SYTL4: variants seen among roughly 807,000 people sequenced by gnomAD.
SYTL4 encodes the protein synaptotagmin-like protein 4.
Under a neutral mutation model 52.7 loss-of-function variants are expected in SYTL4, and 16 were observed. That is an observed-to-expected ratio of 0.30 (90% CI 0.21 to 0.46). SYTL4 has a LOEUF of 0.46. Ranked by LOEUF, SYTL4 falls within the 20% of genes least tolerant of loss-of-function variation. The pLI is 1.00. For synonymous variants in SYTL4, 160 were observed against 186.6 expected (o/e 0.86, Z 1.16); for missense variants, 423 against 519.9 (o/e 0.81, Z 1.81).
chrX:100,731,805 T>A (rs2084653610), intron 1 of SYTL4, among the ~76,000 whole-genome samples, 199 bp downstream of exon 1: 1 of 110,517 alleles, frequency 9.0e-6, no homozygotes, highest in African/African-American at 3.3e-5. Context: ...AGCCTGGGGA[T>A]GCGGTCGGGA....
intron 2 of SYTL4, among the ~76,000 whole-genome samples, chrX:100,725,917 A>G (rs1273332821): frequency 9.0e-6 from 1 of 111,614 alleles, no homozygotes; most frequent in Non-Finnish European, 1.9e-5. Context: ...CTGAATCGAT[A>G]GAGCTACAAA....
intron 8 of SYTL4, among the ~76,000 whole-genome samples, chrX:100,695,700 G>A (rs143443268): frequency 9.0e-6 from 1 of 111,719 alleles, no homozygotes; most frequent in Admixed American, 9.5e-5. Context: ...TTTCTTTTAC[G>A]CTTTGAGTAA....
intron 16 of SYTL4, among the ~76,000 whole-genome samples, chrX:100,683,134 T>C (rs936497168): frequency 9.0e-4 from 1 of 1,109 alleles, no homozygotes; most frequent in Non-Finnish European, 2.6e-3. Context: ...CCTGCCTGTA[T>C]TTTTTTTTTT....
intron 2 of SYTL4, among the ~76,000 whole-genome samples, chrX:100,709,350 A>T (rs2084020428): frequency 9.0e-6 from 1 of 110,812 alleles, no homozygotes; most frequent in Admixed American, 9.6e-5. Flanking sequence ...AAAAAAAAAA[A>T]AAATTAGCCA....
At chrX:100,683,903 C>T (rs2083428430) in intron 16 of SYTL4, among the ~76,000 whole-genome samples, 1 of 111,594 alleles carries the variant, frequency 9.0e-6, no homozygotes, top group Admixed American at 9.5e-5. Context: ...AATGTGGTTT[C>T]TTCTCTTTAT....
intron 4 of SYTL4, among the ~76,000 whole-genome samples, chrX:100,702,841 G>T (rs953548123): frequency 1.8e-5 from 2 of 111,162 alleles, no homozygotes; most frequent in Non-Finnish European, 3.8e-5. Context: ...GCTATCAGAG[G>T]GATTATAAGG....
At chrX:100,685,919 T>G (rs1185578511) in intron 16 of SYTL4, 71 bp downstream of exon 16, 11 of 1,041,639 alleles carry the variant, frequency 1.1e-5, no homozygotes, top group Non-Finnish European at 1.3e-5. Flanking sequence ...GCTACCAACA[T>G]AGACCAGCAG....
At chrX:100,690,832 A>G (rs2083582482) in intron 9 of SYTL4, among the ~76,000 whole-genome samples, 194 bp from the exon 10 acceptor site, 1 of 111,581 alleles carries the variant, frequency 9.0e-6, no homozygotes, top group Non-Finnish European at 1.9e-5. Context: ...AAACACAAAC[A>G]CTCACACCCT....
At chrX:100,724,451 T>C (rs935382824) in intron 2 of SYTL4, among the ~76,000 whole-genome samples, 5 of 104,973 alleles carry the variant, frequency 4.8e-5, no homozygotes, top group African/African-American at 6.8e-5. Context: ...GGGGAAAAGA[T>C]TGAGAAATCG....
At chrX:100,680,815 C>T (rs2083359136) in intron 17 of SYTL4, among the ~76,000 whole-genome samples, 3 of 110,887 alleles carry the variant, frequency 2.7e-5, no homozygotes, top group African/African-American at 9.8e-5. Flanking sequence ...CAAGGGAAAG[C>T]AAATATGTTT....
intron 17 of SYTL4, among the ~76,000 whole-genome samples, 157 bp from the exon 18 acceptor site, chrX:100,679,569 T>G (rs1010795709): frequency 2.7e-5 from 3 of 112,392 alleles, no homozygotes; most frequent in Non-Finnish European, 3.8e-5. Context: ...GCACAGTGCC[T>G]GCCAGTAAGC....
intron 8 of SYTL4, among the ~76,000 whole-genome samples, chrX:100,693,357 G>A (rs758188178): frequency 3.8e-4 from 43 of 112,675 alleles, no homozygotes; most frequent in Non-Finnish European, 3.8e-4. Context: ...ACTGCTCTTC[G>A]CTCTGTCTCA....
chrX:100,710,399 T>C (rs1161769184), intron 2 of SYTL4, among the ~76,000 whole-genome samples: 1 of 112,224 alleles, frequency 8.9e-6, no homozygotes, highest in East Asian at 2.8e-4. Flanking sequence ...CCAGATTCTG[T>C]ATACTTTTGA....
At chrX:100,730,412 C>T (rs981506014) in intron 2 of SYTL4, among the ~76,000 whole-genome samples, 1 of 111,421 alleles carries the variant, frequency 9.0e-6, no homozygotes, top group Non-Finnish European at 1.9e-5. Context: ...TCTAAGACAA[C>T]AGAGGTGGTG....
chrX:100,681,194 T>G (rs1177534737), intron 17 of SYTL4, 33 bp downstream of exon 17: 1 of 1,140,154 alleles, frequency 8.8e-7, no homozygotes, highest in African/African-American at 1.8e-5. Flanking sequence ...TGCAGAAGAC[T>G]AAGCTACATC....
chrX:100,697,132 CAGAG>C lies in SYTL4; in HGVS notation c.539+3761_539+3764del, dbSNP rs1221903252. ...CCCAGGTACCACTGTAGAACCTCAA[CAGAG>C]ACAGACAAGACTGATGCAAAATGTC... On this transcript the variant is annotated intron_variant, in intron 8 of 19. Coordinates refer to ENST00000372989, the MANE Select transcript of SYTL4 (RefSeq NM_001370165.1). Among the ~76,000 whole-genome samples, 3 of 111,969 alleles carry C rather than the reference CAGAG, an allele frequency of 2.7e-5. No individual in the cohort carries two copies. The East Asian group carries it at 8.3e-4, about 31-fold the overall frequency.
intron 8 of SYTL4, among the ~76,000 whole-genome samples, chrX:100,694,778 C>A (rs1318954800): frequency 9.0e-6 from 1 of 111,595 alleles, no homozygotes; most frequent in African/African-American, 3.3e-5. Context: ...CTAATAGATG[C>A]ACAAAGAATG....
chrX:100,691,705 T>C (rs1021626308), intron 8 of SYTL4, among the ~76,000 whole-genome samples: 5 of 111,454 alleles, frequency 4.5e-5, no homozygotes, highest in Non-Finnish European at 9.4e-5. Context: ...GCCCGGCTAA[T>C]TTCTTTGTAT....
intron 2 of SYTL4, among the ~76,000 whole-genome samples, chrX:100,720,815 G>A (rs1383121459): frequency 9.0e-6 from 1 of 111,567 alleles, no homozygotes; most frequent in Non-Finnish European, 1.9e-5. Flanking sequence ...TGTTACTTGA[G>A]GCCTATAAGA....
Sources: gnomAD v4.1 joint callset for allele counts (sites outside exome capture counted in the v4.1 genomes callset) on GRCh38, gnomAD v4.1.1 for gene constraint, MANE v1.5 for transcripts, NCBI Gene and HGNC (gene_info 2026-07-23, HGNC 2026-07-21) for gene names.